Variants in NRXN1 observed in about 807,000 individuals in gnomAD.
NRXN1 encodes neurexin-1.
NRXN1 carries 39 observed loss-of-function variants against 150.9 expected under a neutral mutation model. The ratio of observed to expected loss-of-function variants is 0.26; its 90% CI spans 0.20 to 0.34. The LOEUF (loss-of-function observed/expected upper bound fraction) is 0.34, where lower values mean the gene tolerates loss of function less well. NRXN1 is among the 10% of genes least tolerant of loss of function. The probability of loss-of-function intolerance (pLI) is 1.00; values close to 1 mark genes in which losing one functional copy is unlikely to be tolerated. For synonymous variants in NRXN1, 924 were observed against 757.0 expected, an observed-to-expected ratio of 1.22 and a Z score of -3.62; for missense variants, 1,815 against 1,949.9, an observed-to-expected ratio of 0.93 and a Z score of 1.30.
At chr2:50,131,276 A>C (rs993638441) in intron 18 of NRXN1, among the ~76,000 whole-genome samples, 1 of 152,226 alleles carries the variant, frequency 6.6e-6, no homozygotes, top group African/African-American at 2.4e-5. Context: ...AGCATCTTAA[A>C]AGGCTAGTGT....
chr2:50,346,967 G>T lies in NRXN1; in HGVS notation c.3365-109997C>A. On this transcript the variant is annotated intron_variant, in intron 17 of 22. Transcript: ENST00000401669. The surrounding 1 kb of genome is among the most constrained non-coding windows in gnomAD (Gnocchi z 5.0). ...TGGTACATGGCGGGGCGCCCGCCGAGGGGCAGCCGCCGCGGGAGGCAAAGT... is the reference window on the plus strand; with the variant it reads ...TGGTACATGGCGGGGCGCCCGCCGATGGGCAGCCGCCGCGGGAGGCAAAGT... The T allele has an allele frequency of 7.3e-7, 1 of 1,367,218 alleles. No individual in the cohort carries two copies. Among genetic ancestry groups the T allele is most frequent in the Non-Finnish European group, 9.4e-7 (1 of 1,059,596 alleles). 84.7% of individuals were successfully genotyped at this position (1,367,218 alleles called of 1,614,324 possible).
intron 19 of NRXN1, among the ~76,000 whole-genome samples, chr2:50,089,058 T>C (rs1699195294): frequency 6.6e-6 from 1 of 152,328 alleles, no homozygotes; most frequent in South Asian, 2.1e-4. Context: ...TTATGCATAT[T>C]AATAAAGTCC....
intron 2 of NRXN1, among the ~76,000 whole-genome samples, chr2:50,964,802 C>T (rs4971713): frequency 0.25 from 37,930 of 151,040 alleles, 6,250 homozygotes; most frequent in East Asian, 0.56. Flanking sequence ...AAATATAGTC[C>T]GATTCCAACT....
At chr2:50,980,911 T>C (rs1696681650) in intron 2 of NRXN1, among the ~76,000 whole-genome samples, 1 of 152,124 alleles carries the variant, frequency 6.6e-6, no homozygotes, top group African/African-American at 2.4e-5. Flanking sequence ...CAATATACCC[T>C]GCTGTGCCCT....
chr2:50,923,623 C>T (rs1258875067), intron 3 of NRXN1: 1 of 156,472 alleles, frequency 6.4e-6, no homozygotes, highest in Non-Finnish European at 1.4e-5. Flanking sequence ...TAATTCCTAG[C>T]TTTTTATTTT....
At chr2:50,927,018 G>C (rs1409265249) in intron 2 of NRXN1, among the ~76,000 whole-genome samples, 1 of 151,878 alleles carries the variant, frequency 6.6e-6, no homozygotes, top group African/African-American at 2.4e-5. Context: ...GCAAGAGCAA[G>C]GTTTCAGTAG....
At chr2:50,487,143 A>G (rs867778140) in intron 15 of NRXN1, among the ~76,000 whole-genome samples, 2 of 152,126 alleles carry the variant, frequency 1.3e-5, no homozygotes, top group Admixed American at 6.5e-5. Context: ...AAGAGAAAAT[A>G]TATGTAGCTG....
chr2:50,539,661 A>C (rs1217473416), intron 9 of NRXN1, among the ~76,000 whole-genome samples: 2 of 152,248 alleles, frequency 1.3e-5, no homozygotes, highest in Non-Finnish European at 1.5e-5. Flanking sequence ...ACAGAACACC[A>C]CAAGGACCCA....
At chr2:50,973,521 G>T (rs998897549) in intron 2 of NRXN1, among the ~76,000 whole-genome samples, 3 of 152,100 alleles carry the variant, frequency 2.0e-5, no homozygotes, top group East Asian at 1.9e-4. Flanking sequence ...TATCTGATTC[G>T]GGAGTCATTC....
intron 18 of NRXN1, among the ~76,000 whole-genome samples, chr2:50,122,005 G>A (rs1374883329): frequency 6.6e-6 from 1 of 152,154 alleles, no homozygotes; most frequent in African/African-American, 2.4e-5. Context: ...TATATTTCAA[G>A]AGAAAGTAGT....
intron 17 of NRXN1, among the ~76,000 whole-genome samples, chr2:50,242,850 T>C (rs1195509250): frequency 2.6e-5 from 4 of 151,704 alleles, no homozygotes; most frequent in Non-Finnish European, 5.9e-5. Flanking sequence ...TAATCACATC[T>C]TTGAGAAAGA....
rs751401940 is a variant in NRXN1 at position 51,027,854 on chromosome 2, G to T, written c.420C>A (p.Val140=). 6.2e-7 allele frequency: 1 copy of T among 1,613,188 alleles called. No individual in the cohort carries two copies. The change falls in exon 2 of 23, where the codon GTC becomes GTA. Residue 140 remains valine, a synonymous_variant. Coordinates refer to ENST00000401669, the MANE Select transcript of NRXN1 (RefSeq NM_001330078.2). ...CCGTCATGTCCCTGCGCTTGGACTT[G>T]ACCTCCACCCACTTGGCCTCCACCT... is the stretch of plus-strand genomic sequence containing the variant. ...IDQVEAKWVE[V]KSKRRDMTVF... is the part of the protein sequence containing the mutation.
intron 18 of NRXN1, chr2:50,105,350 T>C (rs1014593879): frequency 6.6e-6 from 1 of 152,020 alleles, no homozygotes; most frequent in Admixed American, 6.6e-5. Flanking sequence ...GAGCCAGAAA[T>C]GGAAGTACTA....
chr2:50,182,521 C>T (rs566036172), intron 18 of NRXN1, among the ~76,000 whole-genome samples: 14 of 152,134 alleles, frequency 9.2e-5, no homozygotes, highest in Admixed American at 2.0e-4. Context: ...TTAAGTTATG[C>T]TGTTTATTCA....
At chr2:50,531,847 TTTG>T (rs1245932118) in intron 10 of NRXN1, among the ~76,000 whole-genome samples, 1 of 152,008 alleles carries the variant, frequency 6.6e-6, no homozygotes, top group Non-Finnish European at 1.5e-5. Flanking sequence ...TTGTTTGGGT[TTTG>T]TTGTTGTTTG....
At chr2:50,478,339 T>G (rs1040897261) in intron 15 of NRXN1, among the ~76,000 whole-genome samples, 1 of 152,134 alleles carries the variant, frequency 6.6e-6, no homozygotes, top group African/African-American at 2.4e-5. Flanking sequence ...AATATAAACT[T>G]CTATAAGAAA....
chr2:50,121,882 G>C (rs1321875278), intron 18 of NRXN1, among the ~76,000 whole-genome samples: 1 of 152,094 alleles, frequency 6.6e-6, no homozygotes, highest in Non-Finnish European at 1.5e-5. Context: ...TAAAGCTATG[G>C]GTTATTTACA....
chr2:50,862,614 G>T (rs1285141528), intron 5 of NRXN1, among the ~76,000 whole-genome samples: 1 of 152,036 alleles, frequency 6.6e-6, no homozygotes, highest in East Asian at 1.9e-4. Context: ...TACAGTCTTT[G>T]GCCCTCAGGT....
intron 2 of NRXN1, among the ~76,000 whole-genome samples, chr2:50,944,180 C>G (rs1018288271): frequency 6.6e-6 from 1 of 152,050 alleles, no homozygotes; most frequent in Non-Finnish European, 1.5e-5. Context: ...ATTTAGTTTG[C>G]CAATTGTTGT....
Sources: gnomAD v4.1 joint callset for allele counts (sites outside exome capture counted in the v4.1 genomes callset) on GRCh38, gnomAD v4.1.1 for gene constraint, Gnocchi (gnomAD v3.1) non-coding constraint, MANE v1.5 for transcripts, NCBI Gene and HGNC (gene_info 2026-07-23, HGNC 2026-07-21) for gene names.